The following ECT2L variants were observed in gnomAD, a reference collection of about 807,000 sequenced individuals.
ECT2L encodes epithelial cell-transforming sequence 2 oncogene-like.
A neutral mutation model predicts 122.8 loss-of-function variants in ECT2L; 126 were observed. The observed-to-expected ratio is 1.03, with a 90% CI of 0.89 to 1.19. The LOEUF is 1.19. ECT2L is among the 50% of genes most tolerant of loss of function. The pLI is 0.00. For synonymous variants in ECT2L, 385 were observed against 381.8 expected (o/e 1.01, Z -0.10); for missense variants, 1,012 against 1,064.1 (o/e 0.95, Z 0.68).
intron 12 of ECT2L, among the ~76,000 whole-genome samples, chr6:138,867,678 A>T (rs959819938): frequency 1.5e-5 from 2 of 130,670 alleles, no homozygotes; most frequent in African/African-American, 5.4e-5. Context: ...AAAAAAAAAA[A>T]TTTAGCTGGG....
chr6:138,865,891 C>T (rs1047812130), intron 12 of ECT2L, among the ~76,000 whole-genome samples: 4 of 152,188 alleles, frequency 2.6e-5, no homozygotes, highest in Admixed American at 6.5e-5. Context: ...TCTATCTATG[C>T]CTTTCTTCTT....
intron 5 of ECT2L, among the ~76,000 whole-genome samples, chr6:138,839,327 C>T (rs1454291296): frequency 6.6e-6 from 1 of 151,050 alleles, no homozygotes; most frequent in African/African-American, 2.4e-5. Flanking sequence ...TCTTCATTTT[C>T]TTGTAAAATA....
chr6:138,824,132 T>A (rs1776352375), intron 4 of ECT2L, among the ~76,000 whole-genome samples: 1 of 152,160 alleles, frequency 6.6e-6, no homozygotes, highest in African/African-American at 2.4e-5. Context: ...AGTGATAAAA[T>A]GACACAGAAC....
chr6:138,800,549 AAAG>A (rs1198600832), intron 1 of ECT2L, among the ~76,000 whole-genome samples: 5 of 151,844 alleles, frequency 3.3e-5, no homozygotes, highest in African/African-American at 1.2e-4. Context: ...TGATGTCATG[AAAG>A]AATAATCTGT....
At position 138,868,192 on chromosome 6, in the gene ECT2L, T is replaced by G. The variant is rs755352791; in HGVS notation, c.1564T>G (p.Ser522Ala). 1 of 1,612,136 alleles carries G rather than the reference T, an allele frequency of 6.2e-7. No homozygotes were observed. The highest frequency in any genetic ancestry group is 1.7e-5 in the Admixed American group (1 of 59,648). Residue 522 changes from serine (S) to alanine (A), a missense_variant, in exon 13 of 22, where the codon TCA becomes GCA. Physicochemically the swap from Ser to Ala is moderately conservative, Grantham distance 99 (BLOSUM62 1). Transcript: ENST00000541398. ...TCTGGCAGATGGATTGATGGAGTTGTCAAAAGAAGATTCTGTAAGTGTTTC... is the reference window on the plus strand; with the variant it reads ...TCTGGCAGATGGATTGATGGAGTTGGCAAAAGAAGATTCTGTAAGTGTTTC... ...QALADGLMEL[S>A]KEDSERNVVE...
chr6:138,808,305 C>A (rs1775777174), intron 1 of ECT2L, among the ~76,000 whole-genome samples: 1 of 152,170 alleles, frequency 6.6e-6, no homozygotes, highest in South Asian at 2.1e-4. Context: ...AGTGCAGGGA[C>A]AAGATAACAG....
intron 1 of ECT2L, among the ~76,000 whole-genome samples, chr6:138,809,041 A>C (rs1775804629): frequency 6.6e-6 from 1 of 151,966 alleles, no homozygotes; most frequent in African/African-American, 2.4e-5. Flanking sequence ...TTTTCCTTTT[A>C]AATTATTATA....
chr6:138,798,333 G>C (rs1273945565), intron 1 of ECT2L, among the ~76,000 whole-genome samples: 1 of 152,140 alleles, frequency 6.6e-6, no homozygotes, highest in Non-Finnish European at 1.5e-5. Context: ...CTGGTAACCA[G>C]CCCCCATCCT....
At chr6:138,833,151 T>C (rs1776708591) in intron 4 of ECT2L, among the ~76,000 whole-genome samples, 1 of 152,130 alleles carries the variant, frequency 6.6e-6, no homozygotes, top group Non-Finnish European at 1.5e-5. Context: ...ACCAGGTCCC[T>C]CCCTTGACAT....
intron 4 of ECT2L, among the ~76,000 whole-genome samples, chr6:138,825,305 C>T (rs1421035277): frequency 2.6e-5 from 4 of 152,270 alleles, no homozygotes; most frequent in South Asian, 2.1e-4. Flanking sequence ...TAATGCCGAG[C>T]GCGGTGGCTC....
chr6:138,818,776 C>T (rs560243685), intron 4 of ECT2L, among the ~76,000 whole-genome samples: 1 of 152,140 alleles, frequency 6.6e-6, no homozygotes, highest in East Asian at 1.9e-4. Flanking sequence ...GATCTGAATA[C>T]ACTGACCCAA....
rs187523628 is a variant in ECT2L, at chr6:138,803,022, G to A, written c.-244+6830G>A. 2.9e-4 allele frequency among the ~76,000 whole-genome samples: 44 copies of A among 151,890 alleles called. 1 individual carries two copies. Among genetic ancestry groups the A allele is most frequent in the African/African-American group, 1.1e-3 (44 of 41,382 alleles). ...ACCCAGAAGGCAGACATTGCAGTGAGCCGAGATTGCACCACTTGCACTCCA... is the reference window on the plus strand; with the variant it reads ...ACCCAGAAGGCAGACATTGCAGTGAACCGAGATTGCACCACTTGCACTCCA... On this transcript the variant is annotated intron_variant, in intron 1 of 21. Coordinates refer to ENST00000541398, the MANE Select transcript of ECT2L (RefSeq NM_001077706.3).
chr6:138,803,005 G>C (rs1046606601), intron 1 of ECT2L, among the ~76,000 whole-genome samples: 8 of 151,874 alleles, frequency 5.3e-5, no homozygotes, highest in African/African-American at 1.9e-4. Flanking sequence ...GAACCCAGAA[G>C]GCAGACATTG....
chr6:138,886,573 C>CT (rs980753841), intron 18 of ECT2L, among the ~76,000 whole-genome samples: 3 of 151,720 alleles, frequency 2.0e-5, no homozygotes, highest in South Asian at 2.1e-4. Context: ...ATGCTTGGCT[C>CT]TTTTTTTGGC....
rs1775957011 is a variant in ECT2L, at chr6:138,813,172, G to A, written c.-103G>A. ...ACATTAACATATTGGTTATTTCTAG[G>A]TGATCTTAATTGCACACCTATTGAA... On this transcript the variant is annotated splice_region_variant and 5_prime_UTR_variant, in exon 3 of 22. It adds an upstream start codon to the 5' untranslated region. Transcript: ENST00000541398. 7.1e-6 allele frequency: 5 copies of A among 707,320 alleles called. No homozygotes were observed. The highest frequency in any genetic ancestry group is 5.7e-5 in the South Asian group (3 of 52,686). 43.8% of individuals were successfully genotyped at this position (707,320 alleles called of 1,614,324 possible).
chr6:138,880,856 G>A, intron 14 of ECT2L, 101 bp from the exon 15 acceptor site: 1 of 1,000,472 alleles, frequency 1.0e-6, no homozygotes, highest in Non-Finnish European at 1.5e-6. Context: ...CCTTCAACCT[G>A]AACAGCACAA....
chr6:138,896,209 G>C (rs1391539940), intron 20 of ECT2L, among the ~76,000 whole-genome samples: 1 of 151,880 alleles, frequency 6.6e-6, no homozygotes, highest in Non-Finnish European at 1.5e-5. Context: ...GGGATTACAG[G>C]CGTGAGCCAC....
chr6:138,878,736 C>T (rs544571720), intron 14 of ECT2L, among the ~76,000 whole-genome samples: 5 of 152,184 alleles, frequency 3.3e-5, no homozygotes, highest in Admixed American at 6.5e-5. Flanking sequence ...CATGAGCCAC[C>T]GCACGTGGCC....
intron 4 of ECT2L, among the ~76,000 whole-genome samples, chr6:138,817,212 ATAAT>A (rs1421429030): frequency 2.0e-5 from 3 of 152,200 alleles, no homozygotes; most frequent in Non-Finnish European, 4.4e-5. Context: ...ATTATTGTAA[ATAAT>A]TATTATAAAT....
Sources: gnomAD v4.1 joint callset for allele counts (sites outside exome capture counted in the v4.1 genomes callset) on GRCh38, gnomAD v4.1.1 for gene constraint, MANE v1.5 for transcripts, NCBI Gene and HGNC (gene_info 2026-07-23, HGNC 2026-07-21) for gene names.